The following EDA variants were observed in gnomAD, a reference collection of about 807,000 sequenced individuals.
EDA encodes the protein ectodysplasin-A.
EDA carries 2 observed loss-of-function variants against 23.6 expected under a neutral mutation model. The observed-to-expected ratio is 0.08, with a 90% CI of 0.03 to 0.27. The LOEUF (loss-of-function observed/expected upper bound fraction) is 0.27. Ranked by LOEUF, EDA falls within the 10% of genes least tolerant of loss-of-function variation. The pLI, the probability that EDA is intolerant of heterozygous loss-of-function variation, is 1.00. For missense variants in EDA, 229 were observed against 324.2 expected (o/e 0.71, Z 2.26); for synonymous variants, 131 against 132.0 (o/e 0.99, Z 0.05).
At chrX:70,017,849 A>G (rs770853801) in intron 2 of EDA, among the ~76,000 whole-genome samples, 28 of 111,903 alleles carry the variant, frequency 2.5e-4, no homozygotes, top group South Asian at 1.5e-3. Context: ...ACTACTAGCC[A>G]CAGCAATCGA....
chrX:69,756,723 C>G (rs28376843), intron 1 of EDA, among the ~76,000 whole-genome samples: 34,035 of 111,262 alleles, frequency 0.31, 4,871 homozygotes, highest in Middle Eastern at 0.56. Flanking sequence ...TCCCCCGTCT[C>G]TTGAATGCCC....
intron 1 of EDA, among the ~76,000 whole-genome samples, chrX:69,847,662 C>G (rs1363056108): frequency 9.0e-6 from 1 of 111,719 alleles, no homozygotes; most frequent in Non-Finnish European, 1.9e-5. Context: ...AAGTTGTATT[C>G]CGTTGTTTGA....
rs1260297856 is a variant in EDA at position 69,792,205 on chromosome X, CAT to C, written c.397-164819_397-164818del. ...CTTAGCTCCCACTTATAAGTGAGAA[CAT>C]ATGATATTAATATCTGGTTTTTCAT... On this transcript the variant is annotated intron_variant, in intron 1 of 7. Coordinates refer to ENST00000374552, the MANE Select transcript of EDA (RefSeq NM_001399.5). Among the ~76,000 whole-genome samples, 4 of 111,797 alleles carry C rather than the reference CAT, an allele frequency of 3.6e-5. No homozygotes were observed. The East Asian group carries it at 1.1e-3, about 31-fold the overall frequency.
At chrX:70,025,077 A>T (rs752676184) in intron 3 of EDA, among the ~76,000 whole-genome samples, 3 of 111,534 alleles carry the variant, frequency 2.7e-5, no homozygotes, top group Non-Finnish European at 5.6e-5. Context: ...CACTTGCCTA[A>T]CCCTTGTTGC....
intron 1 of EDA, among the ~76,000 whole-genome samples, chrX:69,943,497 G>T (rs759881051): frequency 1.8e-5 from 2 of 111,324 alleles, no homozygotes; most frequent in East Asian, 5.7e-4. Flanking sequence ...AGAGACTCTT[G>T]CTCTCTTCCC....
At position 69,707,456 on chromosome X, in the gene EDA, C is replaced by T. The variant is rs182743142; in HGVS notation, c.396+90752C>T. On this transcript the variant is annotated intron_variant, in intron 1 of 7. Coordinates refer to ENST00000374552, the MANE Select transcript of EDA (RefSeq NM_001399.5). ...TGTATAAAAACTGACAGTTTATTTT[C>T]CAATTCTCTGGCTGTTTACGATAAA... 3.8e-3 allele frequency among the ~76,000 whole-genome samples: 422 copies of T among 112,000 alleles called. 1 individual carries two copies. The highest frequency in any genetic ancestry group is 0.013 in the African/African-American group (405 of 30,867).
In EDA at chrX:69,679,814, A is replaced by G. The variant is rs1360703839; in HGVS notation, c.396+63110A>G. Among the ~76,000 whole-genome samples the G allele has an allele frequency of 3.7e-5, 4 of 108,057 alleles. No homozygotes were observed. The South Asian group carries it at 1.2e-3, about 33-fold the overall frequency. The allele number at this position is 108,057 out of a possible 115,157, so 93.8% of individuals were successfully genotyped here. On this transcript the variant is annotated intron_variant, in intron 1 of 7. Transcript: ENST00000374552. ...TTTTTGAAGGGTTTTTTGTGTCTCT[A>G]TTTCCTTCAGTTCTGCTCTGATTTT... is the stretch of plus-strand genomic sequence containing the variant.
intron 1 of EDA, among the ~76,000 whole-genome samples, chrX:69,766,474 T>A (rs2804393): frequency 0.32 from 34,676 of 110,033 alleles, 4,871 homozygotes; most frequent in Middle Eastern, 0.55. Context: ...TTATAGGTCC[T>A]TAGGTCCCCT....
chrX:69,913,628 A>G (rs1402089753), intron 1 of EDA, among the ~76,000 whole-genome samples: 1 of 112,405 alleles, frequency 8.9e-6, no homozygotes, highest in South Asian at 3.7e-4. Context: ...TTGTGTGTTC[A>G]TTGGAGTAGT....
intron 1 of EDA, among the ~76,000 whole-genome samples, chrX:69,739,217 C>G (rs2013368774): frequency 9.0e-6 from 1 of 111,068 alleles, no homozygotes; most frequent in African/African-American, 3.3e-5. Flanking sequence ...ATGGGTTGAT[C>G]ATTATATCAC....
At chrX:70,014,382 A>G (rs2019918766) in intron 2 of EDA, among the ~76,000 whole-genome samples, 1 of 112,850 alleles carries the variant, frequency 8.9e-6, no homozygotes, top group African/African-American at 3.2e-5. Context: ...ACAAATGAAG[A>G]CCTAGCGCAA....
intron 2 of EDA, among the ~76,000 whole-genome samples, chrX:70,009,936 C>A (rs1396314756): frequency 1.8e-5 from 2 of 111,939 alleles, no homozygotes; most frequent in Admixed American, 9.5e-5. Context: ...TTCCAACTAT[C>A]TTGTTATTAA....
At chrX:69,781,952 C>T (rs1034543794) in intron 1 of EDA, among the ~76,000 whole-genome samples, 3 of 109,197 alleles carry the variant, frequency 2.7e-5, no homozygotes, top group African/African-American at 6.7e-5. Flanking sequence ...TAGCATAGCA[C>T]GGGGAGGGGA....
intron 1 of EDA, among the ~76,000 whole-genome samples, chrX:69,668,186 C>T (rs372178562): frequency 2.7e-5 from 3 of 112,203 alleles, no homozygotes; most frequent in Non-Finnish European, 5.6e-5. Flanking sequence ...TTTTCATTAT[C>T]GCTTGTCTCA....
chrX:69,828,434 C>T (rs1048252031), intron 1 of EDA, among the ~76,000 whole-genome samples: 2 of 112,132 alleles, frequency 1.8e-5, no homozygotes, highest in Non-Finnish European at 1.9e-5. Context: ...TGGAAAAGCG[C>T]AGTATTCGGG....
intron 1 of EDA, among the ~76,000 whole-genome samples, chrX:69,698,869 C>T (rs2011449047): frequency 9.0e-6 from 1 of 111,046 alleles, no homozygotes; most frequent in South Asian, 3.8e-4. Context: ...GTTGGGAGTC[C>T]AAAACGGGGA....
chrX:69,671,052 C>T, intron 1 of EDA, among the ~76,000 whole-genome samples: 1 of 111,519 alleles, frequency 9.0e-6, no homozygotes, highest in Non-Finnish European at 1.9e-5. Context: ...CTCTTCCAAA[C>T]TTTACAGAGT....
chrX:69,847,451 A>G (rs1371959855), intron 1 of EDA, among the ~76,000 whole-genome samples: 1 of 111,148 alleles, frequency 9.0e-6, no homozygotes, highest in Non-Finnish European at 1.9e-5. Flanking sequence ...CCTTCATACT[A>G]CCTATATGTG....
At chrX:69,658,009 A>G (rs1205739276) in intron 1 of EDA, among the ~76,000 whole-genome samples, 2 of 111,277 alleles carry the variant, frequency 1.8e-5, no homozygotes, top group Admixed American at 9.6e-5. Context: ...GTGAAAAATG[A>G]TATTGGTAAT....
Sources: gnomAD v4.1 joint callset for allele counts (sites outside exome capture counted in the v4.1 genomes callset) on GRCh38, gnomAD v4.1.1 for gene constraint, MANE v1.5 for transcripts, NCBI Gene and HGNC (gene_info 2026-07-23, HGNC 2026-07-21) for gene names.